Variants in CELSR3 observed in about 807,000 individuals in gnomAD.
CELSR3 encodes the protein EGF-like protein 1.
In CELSR3, 73 loss-of-function variants were observed where a neutral mutation model predicts 270.0. That is an observed-to-expected ratio of 0.27 (90% confidence interval 0.22 to 0.33). The LOEUF (loss-of-function observed/expected upper bound fraction) is 0.33, where lower values mean the gene tolerates loss of function less well. CELSR3 is among the 10% of genes least tolerant of loss of function. The pLI is 1.00. For synonymous variants in CELSR3, 1,780 were observed against 1,905.4 expected (o/e 0.93, Z 1.71); for missense variants, 3,614 against 4,533.8 (o/e 0.80, Z 5.83).
Position 48,661,761 on chromosome 3 carries a change from C to G in CELSR3, c.874G>C (p.Gly292Arg), listed in dbSNP as rs771512720. The change falls in exon 1 of 35, where the codon GGG becomes CGG. Residue 292 changes from glycine (G) to arginine (R), a missense_variant. By Grantham distance (125) the Gly-to-Arg change is moderately radical. Coordinates refer to ENST00000164024, the MANE Select transcript of CELSR3 (RefSeq NM_001407.3). Reference protein sequence around the residue: ...FRCRFLPQRPGPRPPGLPARP... With the variant: ...FRCRFLPQRPRPRPPGLPARP... Reference sequence around the variant, plus strand: ...GCCGGGAGTCCCGGGGGACGCGGCCCGGGGCGCTGCGGGAGGAAGCGGCAG... The same window carrying G: ...GCCGGGAGTCCCGGGGGACGCGGCCGGGGGCGCTGCGGGAGGAAGCGGCAG... The G allele has an allele frequency of 7.5e-6, 12 of 1,593,060 alleles. No individual in the cohort carries two copies. Among genetic ancestry groups the G allele is most frequent in the African/African-American group, 1.3e-5 (1 of 74,310 alleles).
chr3:48,655,762 C>T lies in CELSR3; in HGVS notation c.4715G>A (p.Gly1572Asp), dbSNP rs763141596. 2 of 1,613,734 alleles carry T rather than the reference C, an allele frequency of 1.2e-6. No homozygotes were observed. The highest frequency in any genetic ancestry group is 2.2e-5 in the East Asian group (1 of 44,892). ...CGTGGAATATGTGAGCCGCACTTGG[C>T]CAGCCACGAGTTCCAGGGCCAGGAA... ...HDFLALELVA[G>D]QVRLTYSTGE... Residue 1572 changes from glycine (G) to aspartate (D), a missense_variant, in exon 4 of 35, where the codon GGC becomes GAC. Physicochemically the swap from Gly to Asp is moderately conservative, Grantham distance 94. Coordinates refer to ENST00000164024, the MANE Select transcript of CELSR3 (RefSeq NM_001407.3). This position sits in a 1 kb window ranked among gnomAD's most constrained non-coding sequence, Gnocchi z 5.8.
At position 48,661,312 on chromosome 3, in the gene CELSR3, G is replaced by A; in HGVS notation, c.1323C>T (p.Thr441=). The A allele has an allele frequency of 6.2e-7, 1 of 1,613,394 alleles. No individual in the cohort carries two copies. The highest frequency in any genetic ancestry group is 8.5e-7 in the Non-Finnish European group (1 of 1,179,852). ...AGCCCTCCTCCACATTCTCGCGAAG[G>A]GTCTCCCGGTACTGCGCTTGCTCAA... ...PVFEQAQYRE[T]LRENVEEGYP... Residue 441 remains threonine (T), a synonymous_variant, in exon 1 of 35, where the codon ACC becomes ACT. Coordinates refer to ENST00000164024, the MANE Select transcript of CELSR3 (RefSeq NM_001407.3).
In CELSR3 at chr3:48,662,773, C is replaced by A. The variant is rs1197850610; in HGVS notation, c.-139G>T. ...TCCGCCTGTCTCTCCGCACCCCCGC[C>A]GCCCTCTGGGCACCATCTACTCCGC... On this transcript the variant is annotated 5_prime_UTR_variant, in exon 1 of 35. Transcript: ENST00000164024. This position sits in a 1 kb window ranked among gnomAD's most constrained non-coding sequence, Gnocchi z 7.1. 4.7e-5 allele frequency: 15 copies of A among 319,202 alleles called. No individual in the cohort carries two copies. Among genetic ancestry groups the A allele is most frequent in the East Asian group, 3.2e-4 (6 of 18,524 alleles). The allele number at this position is 319,202 out of a possible 1,614,324, so 19.8% of individuals were successfully genotyped here. A position where few individuals can be genotyped will look rare whatever the true frequency, so the allele number is the denominator to read the frequency against.
In CELSR3 at chr3:48,650,394, C is replaced by A; in HGVS notation, c.6472+86G>T. ...CACCTCTTTGCAGGAACAAAGCCACCCAATTTAGGAAAAGACATGGCTCTA... is the reference window on the plus strand; with the variant it reads ...CACCTCTTTGCAGGAACAAAGCCACACAATTTAGGAAAAGACATGGCTCTA... On this transcript the variant is annotated intron_variant, in intron 16 of 34. Coordinates refer to ENST00000164024, the MANE Select transcript of CELSR3 (RefSeq NM_001407.3). This position sits in a 1 kb window ranked among gnomAD's most constrained non-coding sequence, Gnocchi z 5.1. The A allele has an allele frequency of 9.0e-7, 1 of 1,113,622 alleles. No homozygotes were observed. The highest frequency in any genetic ancestry group is 1.3e-6 in the Non-Finnish European group (1 of 750,944). The allele number at this position is 1,113,622 out of a possible 1,614,324, so 69.0% of individuals were successfully genotyped here.
chr3:48,638,206 C>T lies in CELSR3; in HGVS notation c.9938G>A (p.Ter3313=). 6.2e-7 allele frequency: 1 copy of T among 1,612,924 alleles called. No individual in the cohort carries two copies. Among genetic ancestry groups the T allele is most frequent in the Non-Finnish European group, 8.5e-7 (1 of 1,179,146 alleles). The change falls in exon 35 of 35, where the codon TGA becomes TAA. Residue 3313 remains the stop codon, a stop_retained_variant. Coordinates refer to ENST00000164024, the MANE Select transcript of CELSR3 (RefSeq NM_001407.3). ...SEVPRSEGHS[*] ...TTCCTCGTCCACGCCGTCATCCCCTCAGGAGTGACCCTCACTTCTGGGAAC... is the reference window on the plus strand; with the variant it reads ...TTCCTCGTCCACGCCGTCATCCCCTTAGGAGTGACCCTCACTTCTGGGAAC...
In CELSR3 at chr3:48,652,619, G is replaced by C. The variant is rs2047147454; in HGVS notation, c.5635-66C>G. On this transcript the variant is annotated intron_variant, in intron 10 of 34. Transcript: ENST00000164024. This position sits in a 1 kb window ranked among gnomAD's most constrained non-coding sequence, Gnocchi z 4.3. The stretch of plus-strand genomic sequence containing the variant: ...TGATGAACCCCTGTCATAGCCCAGA[G>C]TCAGTCTTGGCCTTCTTCTAGCCCT... 7.8e-7 allele frequency: 1 copy of C among 1,289,682 alleles called. No individual in the cohort carries two copies. Among genetic ancestry groups the C allele is most frequent in the Non-Finnish European group, 1.1e-6 (1 of 923,448 alleles). The allele number at this position is 1,289,682 out of a possible 1,614,324, so 79.9% of individuals were successfully genotyped here.
At position 48,661,282 on chromosome 3, in the gene CELSR3, A is replaced by G. The variant is rs772211541; in HGVS notation, c.1353T>C (p.Pro451=). The change falls in exon 1 of 35, where the codon CCT becomes CCC. Residue 451 remains proline, a synonymous_variant. Transcript: ENST00000164024. ...CGTCAGTGGCACGCAGCTGCAGGAT[A>G]GGGTAGCCCTCCTCCACATTCTCGC... is the stretch of plus-strand genomic sequence containing the variant. ...TLRENVEEGY[P]ILQLRATDGD... The G allele has an allele frequency of 3.1e-6, 5 of 1,613,006 alleles. No homozygotes were observed. In the South Asian group the frequency reaches 5.5e-5, roughly 18 times the overall value.
chr3:48,659,122 G>A lies in CELSR3; in HGVS notation c.3513C>T (p.Asn1171=), dbSNP rs768770680. ...CATAGTTGTTGAAGAGGATCTGGAA[G>A]TTGTTGAGCACAGGGCTGTTGTCAT... is the stretch of plus-strand genomic sequence containing the variant. ...DQNDNSPVLN[N]FQILFNNYVS... The change falls in exon 1 of 35, where the codon AAC becomes AAT. Residue 1171 remains asparagine (N), a synonymous_variant. Coordinates refer to ENST00000164024, the MANE Select transcript of CELSR3 (RefSeq NM_001407.3). The surrounding 1 kb of genome is among the most constrained non-coding windows in gnomAD (Gnocchi z 8.1). The A allele has an allele frequency of 1.9e-6, 3 of 1,614,124 alleles. No individual in the cohort carries two copies. The highest frequency in any genetic ancestry group is 2.7e-5 in the African/African-American group (2 of 74,934).
In CELSR3 at chr3:48,651,976, G is replaced by T; in HGVS notation, c.5824C>A (p.Pro1942Thr). 6.2e-7 allele frequency: 1 copy of T among 1,600,516 alleles called. No homozygotes were observed. The highest frequency in any genetic ancestry group is 8.5e-7 in the Non-Finnish European group (1 of 1,175,252). The change falls in exon 12 of 35, where the codon CCT (proline) becomes ACT (threonine). Residue 1942 changes from proline (P) to threonine (T), a missense_variant. By Grantham distance (38) the Pro-to-Thr change is conservative. Around this residue, in one of 7 missense-constraint regions of CELSR3, gnomAD observed 1,331 missense variants for 1,933.7 expected, o/e 0.69. Transcript: ENST00000164024. This position sits in a 1 kb window ranked among gnomAD's most constrained non-coding sequence, Gnocchi z 7.4. The part of the protein sequence containing the change: ...LPPSHRVNAE[P>T]GCVVTNACAS... ...CAGGCGTTGGTCACAACACAGCCAGGCTCCGCATTCACTCGGTGGCTGGGG... is the reference window on the plus strand; with the variant it reads ...CAGGCGTTGGTCACAACACAGCCAGTCTCCGCATTCACTCGGTGGCTGGGG...
chr3:48,662,204 C>T lies in CELSR3; in HGVS notation c.431G>A (p.Arg144Gln). The T allele has an allele frequency of 6.2e-7, 1 of 1,612,940 alleles. No homozygotes were observed. The highest frequency in any genetic ancestry group is 1.1e-5 in the South Asian group (1 of 91,078). ...YWRPEVSSCG[R>Q]TGPLQRGSLS... is the part of the protein sequence containing the mutation. ...ACTACCTCTTTGCAAAGGTCCTGTCCGCCCGCAAGAGGAGACCTCTGGGCG... is the reference window on the plus strand; with the variant it reads ...ACTACCTCTTTGCAAAGGTCCTGTCTGCCCGCAAGAGGAGACCTCTGGGCG... The change falls in exon 1 of 35, where the codon CGG (arginine) becomes CAG (glutamine). Residue 144 changes from arginine (R) to glutamine (Q), a missense_variant. Arg to Gln is a conservative substitution (Grantham distance 43). This residue lies in a region of CELSR3 where 470 missense variants were observed against 469.7 expected (regional missense o/e 1.00). Coordinates refer to ENST00000164024, the MANE Select transcript of CELSR3 (RefSeq NM_001407.3). The surrounding 1 kb of genome is among the most constrained non-coding windows in gnomAD (Gnocchi z 7.1).
rs375510011 is a variant in CELSR3, at chr3:48,651,056, C to G, written c.6206G>C (p.Arg2069Pro). The G allele has an allele frequency of 2.2e-5, 35 of 1,572,604 alleles. No individual in the cohort carries two copies. The Admixed American group carries it at 6.2e-4, about 28-fold the overall frequency. ...CHCKEFHYRP[R>P]GSDSCLPCDC... The stretch of plus-strand genomic sequence containing the variant: ...ACATGGGAGGCAAGAGTCACTGCCC[C>G]GCGGTCGGTAGTGGAACTCCTGTTT... Residue 2069 changes from arginine (R) to proline (P), a missense_variant, in exon 15 of 35, where the codon CGG becomes CCG. Arg to Pro is a moderately radical substitution (Grantham distance 103, BLOSUM62 -2). Coordinates refer to ENST00000164024, the MANE Select transcript of CELSR3 (RefSeq NM_001407.3). This position sits in a 1 kb window ranked among gnomAD's most constrained non-coding sequence, Gnocchi z 7.4.
Position 48,660,327 on chromosome 3 carries a change from C to T in CELSR3, c.2308G>A (p.Ala770Thr). 6.2e-7 allele frequency: 1 copy of T among 1,614,190 alleles called. No homozygotes were observed. The highest frequency in any genetic ancestry group is 8.5e-7 in the Non-Finnish European group (1 of 1,180,046). Residue 770 changes from alanine (A) to threonine (T), a missense_variant, in exon 1 of 35, where the codon GCT becomes ACT. By Grantham distance (58) the Ala-to-Thr change is moderately conservative. Around this residue, in one of 7 missense-constraint regions of CELSR3, gnomAD observed 215 missense variants for 241.2 expected, o/e 0.89. Transcript: ENST00000164024. The surrounding 1 kb of genome is among the most constrained non-coding windows in gnomAD (Gnocchi z 5.5). ...ACGCTGACCACACTGGTGCCCACAG[C>T]TGCATCCTCATTCAGTCGTAGGTGG... ...EYHLRLNEDAAVGTSVVSVTA... is the reference protein window; with the variant it reads ...EYHLRLNEDATVGTSVVSVTA...
rs1459381529 is a variant in CELSR3, at chr3:48,654,802, G to A, written c.4988+242C>T. On this transcript the variant is annotated intron_variant, in intron 6 of 34. Coordinates refer to ENST00000164024, the MANE Select transcript of CELSR3 (RefSeq NM_001407.3). The surrounding 1 kb of genome is among the most constrained non-coding windows in gnomAD (Gnocchi z 5.4). ...TGGGACATTAGTGAGACTGGGGTGG[G>A]GAGGTGGAGGCTTTGGAGGACTGCC... 2.6e-5 allele frequency among the ~76,000 whole-genome samples: 4 copies of A among 151,938 alleles called. No individual in the cohort carries two copies. Among genetic ancestry groups the A allele is most frequent in the African/African-American group, 9.7e-5 (4 of 41,340 alleles).
At position 48,662,296 on chromosome 3, in the gene CELSR3, G is replaced by A. The variant is rs1422310317; in HGVS notation, c.339C>T (p.His113=). 1.9e-6 allele frequency: 3 copies of A among 1,613,074 alleles called. No individual in the cohort carries two copies. Among genetic ancestry groups the A allele is most frequent in the South Asian group, 2.2e-5 (2 of 91,086 alleles). ...CGCGGCTGCCCAATGGCTGGACGCC[G>A]TGTTCAATCCCCAGCTCCTCATTCG... The part of the protein sequence containing the change: ...EQPNEELGIE[H]GVQPLGSRER... Residue 113 remains histidine (H), a synonymous_variant, in exon 1 of 35, where the codon CAC becomes CAT. Transcript: ENST00000164024. This position sits in a 1 kb window ranked among gnomAD's most constrained non-coding sequence, Gnocchi z 7.1.
Position 48,651,196 on chromosome 3 carries a change from G to A in CELSR3, c.6187-121C>T. ...GCCAGAGGACACCTGGGTCATGCGTGAAGCCAAGGGAGGGGTCACGGGTAA... is the reference window on the plus strand; with the variant it reads ...GCCAGAGGACACCTGGGTCATGCGTAAAGCCAAGGGAGGGGTCACGGGTAA... On this transcript the variant is annotated intron_variant, in intron 14 of 34. Coordinates refer to ENST00000164024, the MANE Select transcript of CELSR3 (RefSeq NM_001407.3). The surrounding 1 kb of genome is among the most constrained non-coding windows in gnomAD (Gnocchi z 7.4). The A allele has an allele frequency of 6.9e-7, 1 of 1,439,138 alleles. No homozygotes were observed. The highest frequency in any genetic ancestry group is 1.3e-5 in the South Asian group (1 of 77,536). 89.1% of individuals were successfully genotyped at this position (1,439,138 alleles called of 1,614,324 possible).
rs1387805578 is a variant in CELSR3, at chr3:48,638,087, GC to G, written c.*117del. On this transcript the variant is annotated 3_prime_UTR_variant, in exon 35 of 35. Coordinates refer to ENST00000164024, the MANE Select transcript of CELSR3 (RefSeq NM_001407.3). ...CCCTGCCACACCAGGTAGAGCTGGGGCACCCACCACTGGGGAGCAGGAGGCT... is the reference window on the plus strand; with the variant it reads ...CCCTGCCACACCAGGTAGAGCTGGGGACCCACCACTGGGGAGCAGGAGGCT... 3 of 832,808 alleles carry G rather than the reference GC, an allele frequency of 3.6e-6. No homozygotes were observed. The Admixed American group carries it at 5.6e-5, about 16-fold the overall frequency. The allele number at this position is 832,808 out of a possible 1,614,324, so 51.6% of individuals were successfully genotyped here. A position where few individuals can be genotyped will look rare whatever the true frequency, so the allele number is the denominator to read the frequency against.
Position 48,660,955 on chromosome 3 carries a change from G to C in CELSR3, c.1680C>G (p.Pro560=). Residue 560 remains proline (P), a synonymous_variant, in exon 1 of 35, where the codon CCC becomes CCG. Transcript: ENST00000164024. The surrounding 1 kb of genome is among the most constrained non-coding windows in gnomAD (Gnocchi z 5.5). ...CCGTGACGCGCAGCACGACTGTGTG[G>C]GGGCGCACATCCTCGCGCACCTGCG... ...YVAQVREDVR[P]HTVVLRVTAT... 1.2e-6 allele frequency: 2 copies of C among 1,613,910 alleles called. No homozygotes were observed. The highest frequency in any genetic ancestry group is 1.7e-6 in the Non-Finnish European group (2 of 1,180,034).
chr3:48,662,667 C>G lies in CELSR3; in HGVS notation c.-33G>C. On this transcript the variant is annotated 5_prime_UTR_variant, in exon 1 of 35. Transcript: ENST00000164024. This position sits in a 1 kb window ranked among gnomAD's most constrained non-coding sequence, Gnocchi z 7.1. ...CTCCCTGCACGGCCTCCACCGCCCC[C>G]CGCCCCGGTCCGGGCCTTGGGCTGG... is the stretch of plus-strand genomic sequence containing the variant. The G allele has an allele frequency of 1.7e-6, 2 of 1,146,168 alleles. No individual in the cohort carries two copies. Among genetic ancestry groups the G allele is most frequent in the Non-Finnish European group, 2.3e-6 (2 of 864,322 alleles). The allele number at this position is 1,146,168 out of a possible 1,614,324, so 71.0% of individuals were successfully genotyped here.
chr3:48,657,893 C>A lies in CELSR3; in HGVS notation c.3749-545G>T, dbSNP rs1192619088. Among the ~76,000 whole-genome samples the A allele has an allele frequency of 6.6e-6, 1 of 152,186 alleles. No individual in the cohort carries two copies. Among genetic ancestry groups the A allele is most frequent in the Non-Finnish European group, 1.5e-5 (1 of 68,036 alleles). The stretch of plus-strand genomic sequence containing the variant: ...TGCTCTTCCATGACACTAGAAGGGG[C>A]CCTGGCCCAGTGAAGACTCAATGCC... On this transcript the variant is annotated intron_variant, in intron 1 of 34. Transcript: ENST00000164024. The surrounding 1 kb of genome is among the most constrained non-coding windows in gnomAD (Gnocchi z 5.4).
Sources: allele counts gnomAD v4.1 joint callset (sites outside exome capture counted in the v4.1 genomes callset), GRCh38; gene constraint gnomAD v4.1.1; regional missense constraint gnomAD v4.1.1; non-coding constraint Gnocchi (gnomAD v3.1); transcripts MANE v1.5; gene names NCBI Gene and HGNC (gene_info 2026-07-23, HGNC 2026-07-21).